The following CEP20 variants were observed in gnomAD, a reference collection of about 807,000 sequenced individuals.
The protein encoded by CEP20 is FGFR1OP N-terminal like.
Under a neutral mutation model 20.0 loss-of-function variants are expected in CEP20, and 18 were observed. That is an observed-to-expected ratio of 0.90 (90% CI 0.62 to 1.34). The LOEUF (loss-of-function observed/expected upper bound fraction) is 1.34, where lower values mean the gene tolerates loss of function less well. CEP20 is among the 40% of genes most tolerant of loss of function. CEP20 has a pLI of 0.00. For synonymous variants in CEP20, 77 were observed against 73.7 expected, an observed-to-expected ratio of 1.04 and a Z score of -0.23; for missense variants, 215 against 201.6, an observed-to-expected ratio of 1.07 and a Z score of -0.40.
At chr16:15,879,122 C>A (rs1247767701) in intron 3 of CEP20, among the ~76,000 whole-genome samples, 1 of 151,448 alleles carries the variant, frequency 6.6e-6, no homozygotes, top group Non-Finnish European at 1.5e-5. Flanking sequence ...TTTTCAAGAG[C>A]ATAGTTGGTG....
chr16:15,869,144 G>A (rs1567232082), intron 4 of CEP20, among the ~76,000 whole-genome samples: 1 of 151,536 alleles, frequency 6.6e-6, no homozygotes, highest in Non-Finnish European at 1.5e-5. Context: ...AAACTACTTT[G>A]CCTTCAAGAT....
chr16:15,871,488 G>T (rs893346843), intron 4 of CEP20, among the ~76,000 whole-genome samples: 1 of 152,014 alleles, frequency 6.6e-6, no homozygotes, highest in Non-Finnish European at 1.5e-5. Flanking sequence ...TATTTTGCTC[G>T]TTAAGTACTT....
intron 4 of CEP20, among the ~76,000 whole-genome samples, chr16:15,872,397 G>A (rs979064232): frequency 2.0e-5 from 3 of 152,112 alleles, no homozygotes; most frequent in African/African-American, 7.2e-5. Context: ...GTGAAAATGG[G>A]ATCCCATTGC....
chr16:15,869,322 T>C (rs183338821), intron 4 of CEP20, among the ~76,000 whole-genome samples: 1,880 of 149,500 alleles, frequency 0.013, 15 homozygotes, highest in Admixed American at 0.022. Flanking sequence ...TTTTTTTTTT[T>C]TTTTTTGAGA....
chr16:15,884,626 A>G (rs1934085110), intron 1 of CEP20, among the ~76,000 whole-genome samples: 2 of 151,912 alleles, frequency 1.3e-5, no homozygotes, highest in South Asian at 4.2e-4. Flanking sequence ...CTCAGCCTCC[A>G]GGGTAGTTGG....
At chr16:15,867,642 G>C (rs1365936884) in intron 4 of CEP20, 126 bp from the exon 5 acceptor site, 1 of 590,850 alleles carries the variant, frequency 1.7e-6, no homozygotes, top group African/African-American at 1.9e-5. Context: ...GATGGTTTAG[G>C]ACAATGAAAA....
chr16:15,888,493 C>A lies in CEP20; in HGVS notation c.28+65G>T. The A allele has an allele frequency of 3.1e-6, 5 of 1,609,454 alleles. No homozygotes were observed. The South Asian group carries it at 5.5e-5, about 18-fold the overall frequency. Reference sequence around the variant, plus strand: ...TGTGTTCCGCGCGCTCTCCTCCCATCCCATCCTTTCCACAAGATGAAGGCC... The same window carrying A: ...TGTGTTCCGCGCGCTCTCCTCCCATACCATCCTTTCCACAAGATGAAGGCC... On this transcript the variant is annotated intron_variant, in intron 1 of 4. Coordinates refer to ENST00000255759, the MANE Select transcript of CEP20 (RefSeq NM_144600.4).
Position 15,866,287 on chromosome 16 carries a change from G to A in CEP20, c.*1153C>T, listed in dbSNP as rs2044676981. The A allele has an allele frequency of 6.6e-6, 1 of 152,164 alleles. No homozygotes were observed. Among genetic ancestry groups the A allele is most frequent in the Non-Finnish European group, 1.5e-5 (1 of 68,032 alleles). 9.4% of individuals were successfully genotyped at this position (152,164 alleles called of 1,614,324 possible). ...CAGCACAGAATTGACACCCTAAAGA[G>A]GATGCCAATTTTGCTAACTACAGCT... On this transcript the variant is annotated 3_prime_UTR_variant, in exon 5 of 5. Transcript: ENST00000255759.
At chr16:15,872,331 G>C (rs1321573940) in intron 4 of CEP20, among the ~76,000 whole-genome samples, 1 of 151,220 alleles carries the variant, frequency 6.6e-6, no homozygotes, top group Non-Finnish European at 1.5e-5. Flanking sequence ...AAAAAAAATT[G>C]ATCAGCTCTC....
At chr16:15,882,488 C>T (rs1283648019) in intron 2 of CEP20, among the ~76,000 whole-genome samples, 1 of 151,704 alleles carries the variant, frequency 6.6e-6, no homozygotes, top group Non-Finnish European at 1.5e-5. Context: ...CGAGATCAAT[C>T]CACACTCCAG....
intron 4 of CEP20, among the ~76,000 whole-genome samples, chr16:15,870,131 CAGA>C (rs1442795005): frequency 2.6e-5 from 4 of 152,172 alleles, no homozygotes; most frequent in African/African-American, 9.7e-5. Flanking sequence ...GCTTTCATCT[CAGA>C]AGAACAGAAA....
In CEP20 at chr16:15,884,135, G is replaced by C; in HGVS notation, c.99C>G (p.Phe33Leu). 1 of 1,614,148 alleles carries C rather than the reference G, an allele frequency of 6.2e-7. No individual in the cohort carries two copies. Among genetic ancestry groups the C allele is most frequent in the South Asian group, 1.1e-5 (1 of 91,088 alleles). The change falls in exon 2 of 5, where the codon TTC (phenylalanine) becomes TTG (leucine). Residue 33 changes from phenylalanine to leucine, a missense_variant. Physicochemically the swap from Phe to Leu is conservative, Grantham distance 22. Coordinates refer to ENST00000255759, the MANE Select transcript of CEP20 (RefSeq NM_144600.4). ...GTTCACGGTCATCATCTAGGGCATT[G>C]AAAACTTCAGCTCGGATCCTTGCTT... ...HLKARIRAEV[F>L]NALDDDREPR...
chr16:15,878,498 CT>C (rs11290804), intron 3 of CEP20, among the ~76,000 whole-genome samples: 121,303 of 139,878 alleles, frequency 0.87, 52,700 homozygotes, highest in South Asian at 0.94. Context: ...ACTTTCAGAA[CT>C]TTTTTTTTTT....
chr16:15,882,169 A>G (rs998213281), intron 2 of CEP20, among the ~76,000 whole-genome samples: 1 of 152,126 alleles, frequency 6.6e-6, no homozygotes, highest in Non-Finnish European at 1.5e-5. Flanking sequence ...AGTGAGCAAA[A>G]GCTCCCTGAG....
intron 3 of CEP20, among the ~76,000 whole-genome samples, chr16:15,876,139 C>T (rs1400320291): frequency 1.3e-5 from 2 of 148,546 alleles, no homozygotes; most frequent in East Asian, 2.0e-4. Flanking sequence ...CTGGCACATA[C>T]ATGTAGTATT....
rs1237228234 is a variant in CEP20, at chr16:15,866,075, T to TG, written c.*1364dup. 6.6e-6 allele frequency: 1 copy of TG among 152,206 alleles called. No individual in the cohort carries two copies. The highest frequency in any genetic ancestry group is 1.9e-4 in the East Asian group (1 of 5,194). The allele number at this position is 152,206 out of a possible 1,614,324, so 9.4% of individuals were successfully genotyped here. A position where few individuals can be genotyped will look rare whatever the true frequency, so the allele number is the denominator to read the frequency against. ...GATTTAAAAATGGAAAATGGACTCT[T>TG]GCAATACTTCTGCATCCATATATAA... On this transcript the variant is annotated 3_prime_UTR_variant, in exon 5 of 5. Coordinates refer to ENST00000255759, the MANE Select transcript of CEP20 (RefSeq NM_144600.4).
At chr16:15,884,582 A>C (rs1974455) in intron 1 of CEP20, among the ~76,000 whole-genome samples, 26,866 of 151,856 alleles carry the variant, frequency 0.18, 2,289 homozygotes, top group East Asian at 0.22. Flanking sequence ...GCTCACTGCA[A>C]CCTCTGCCTC....
In CEP20 at chr16:15,884,313, A is replaced by G. The variant is rs1299576077; in HGVS notation, c.29-108T>C. Reference sequence around the variant, plus strand: ...GGTAAATGGTACAAAAACAGCTCTCAAGCAGCTCTTAATCTAAACATTGTG... The same window carrying G: ...GGTAAATGGTACAAAAACAGCTCTCGAGCAGCTCTTAATCTAAACATTGTG... On this transcript the variant is annotated intron_variant, in intron 1 of 4. Transcript: ENST00000255759. 1.6e-5 allele frequency: 15 copies of G among 936,876 alleles called. No individual in the cohort carries two copies. In the South Asian group the frequency reaches 2.6e-4, roughly 16 times the overall value. 58.0% of individuals were successfully genotyped at this position (936,876 alleles called of 1,614,324 possible).
At position 15,866,047 on chromosome 16, in the gene CEP20, G is replaced by A. The variant is rs1160997933; in HGVS notation, c.*1393C>T. ...GAATTCATCAATGTAATCAGATATT[G>A]CAGATTTAAAAATGGAAAATGGACT... is the stretch of plus-strand genomic sequence containing the variant. On this transcript the variant is annotated 3_prime_UTR_variant, in exon 5 of 5. Transcript: ENST00000255759. 1 of 152,104 alleles carries A rather than the reference G, an allele frequency of 6.6e-6. No homozygotes were observed. Among genetic ancestry groups the A allele is most frequent in the Non-Finnish European group, 1.5e-5 (1 of 68,024 alleles). The allele number at this position is 152,104 out of a possible 1,614,324, so 9.4% of individuals were successfully genotyped here.
Sources: gnomAD v4.1 joint callset for allele counts (sites outside exome capture counted in the v4.1 genomes callset) on GRCh38, gnomAD v4.1.1 for gene constraint, MANE v1.5 for transcripts, NCBI Gene and HGNC (gene_info 2026-07-23, HGNC 2026-07-21) for gene names.